CCSER1: variants seen among roughly 807,000 people sequenced by gnomAD.
The protein encoded by CCSER1 is coiled-coil serine rich protein 1.
In CCSER1, 41 loss-of-function variants were observed where a neutral mutation model predicts 82.0. The observed-to-expected ratio is 0.50, with a 90% confidence interval of 0.39 to 0.65. The LOEUF (loss-of-function observed/expected upper bound fraction) is 0.65, where lower values mean the gene tolerates loss of function less well. Ranked by LOEUF, CCSER1 falls within the 30% of genes least tolerant of loss-of-function variation. The pLI is 0.00. For synonymous variants in CCSER1, 414 were observed against 383.9 expected, an observed-to-expected ratio of 1.08 and a Z score of -0.92; for missense variants, 1,119 against 1,064.2, an observed-to-expected ratio of 1.05 and a Z score of -0.72.
At chr4:90,337,632 T>A (rs1312753244) in intron 3 of CCSER1, among the ~76,000 whole-genome samples, 6 of 147,414 alleles carry the variant, frequency 4.1e-5, no homozygotes, top group Non-Finnish European at 7.5e-5. Context: ...TTTTTTTTTT[T>A]ACAAGATCCC....
At chr4:90,307,420 A>T (rs1330595911) in intron 1 of CCSER1, among the ~76,000 whole-genome samples, 1 of 144,004 alleles carries the variant, frequency 6.9e-6, no homozygotes, top group Non-Finnish European at 1.5e-5. Context: ...CTTGTTTATA[A>T]CCCTATGTTA....
At chr4:90,309,820 A>G (rs1157769121) in intron 2 of CCSER1, among the ~76,000 whole-genome samples, 1 of 152,096 alleles carries the variant, frequency 6.6e-6, no homozygotes, top group African/African-American at 2.4e-5. Context: ...ATTCAGCAAT[A>G]TTACTCATTT....
intron 6 of CCSER1, among the ~76,000 whole-genome samples, chr4:90,637,069 A>G (rs1725555612): frequency 6.6e-6 from 1 of 152,188 alleles, no homozygotes. Context: ...AATATTTGTT[A>G]TTTCAAAGTT....
At chr4:90,590,507 G>T (rs565154732) in intron 5 of CCSER1, among the ~76,000 whole-genome samples, 1 of 152,074 alleles carries the variant, frequency 6.6e-6, no homozygotes, top group Admixed American at 6.5e-5. Flanking sequence ...TTGAACTCAG[G>T]AGGCAGAGGT....
chr4:91,195,902 C>T (rs1033735710), intron 10 of CCSER1, among the ~76,000 whole-genome samples: 13 of 151,842 alleles, frequency 8.6e-5, no homozygotes, highest in Admixed American at 7.9e-4. Context: ...TCCACCTTGC[C>T]ATTAAGACAA....
At chr4:90,809,311 TACACACACACAC>T (rs56677479) in intron 7 of CCSER1, among the ~76,000 whole-genome samples, 5 of 148,250 alleles carry the variant, frequency 3.4e-5, no homozygotes, top group Admixed American at 6.8e-5. Context: ...AGCAAGATCA[TACACACACACAC>T]ACACACACAC....
chr4:90,940,444 A>G (rs9307092), intron 9 of CCSER1, among the ~76,000 whole-genome samples: 47,438 of 151,904 alleles, frequency 0.31, 7,829 homozygotes, highest in Non-Finnish European at 0.35. Context: ...AGACTTTCTC[A>G]CAGTGTTCAT....
At chr4:90,203,089 C>G (rs1034411907) in intron 1 of CCSER1, among the ~76,000 whole-genome samples, 8 of 152,132 alleles carry the variant, frequency 5.3e-5, no homozygotes, top group Non-Finnish European at 1.0e-4. Flanking sequence ...TCTCAAGAAA[C>G]AACTATGATT....
chr4:90,722,875 G>A (rs1313758283), intron 6 of CCSER1, among the ~76,000 whole-genome samples: 2 of 151,980 alleles, frequency 1.3e-5, no homozygotes, highest in East Asian at 3.9e-4. Context: ...TGAATAGAAA[G>A]TCTCTAAGAA....
At chr4:90,268,828 T>C (rs1284989738) in intron 1 of CCSER1, among the ~76,000 whole-genome samples, 1 of 151,188 alleles carries the variant, frequency 6.6e-6, no homozygotes, top group African/African-American at 2.4e-5. Flanking sequence ...AAGACACACC[T>C]AGACAGAAAA....
At chr4:91,500,877 T>C (rs998482731) in intron 10 of CCSER1, among the ~76,000 whole-genome samples, 7 of 152,008 alleles carry the variant, frequency 4.6e-5, no homozygotes, top group Non-Finnish European at 1.0e-4. Context: ...AATTAATGTA[T>C]GTTAGGTACT....
intron 10 of CCSER1, among the ~76,000 whole-genome samples, chr4:91,463,685 G>C (rs566315236): frequency 6.6e-6 from 1 of 152,182 alleles, no homozygotes; most frequent in African/African-American, 2.4e-5. Flanking sequence ...GAAAACCATG[G>C]CACGAGAGCT....
chr4:91,397,221 G>A (rs1038371685), intron 10 of CCSER1, among the ~76,000 whole-genome samples: 2 of 152,034 alleles, frequency 1.3e-5, no homozygotes, highest in Admixed American at 6.6e-5. Flanking sequence ...GTACTACTAT[G>A]TATCAATTCT....
At chr4:90,732,585 A>G (rs150815659) in intron 7 of CCSER1, among the ~76,000 whole-genome samples, 1 of 152,128 alleles carries the variant, frequency 6.6e-6, no homozygotes, top group Non-Finnish European at 1.5e-5. Context: ...CTACTTAGGG[A>G]CAGTGAGCCA....
intron 10 of CCSER1, among the ~76,000 whole-genome samples, chr4:91,316,179 T>C (rs780278099): frequency 6.6e-6 from 1 of 152,030 alleles, no homozygotes; most frequent in Non-Finnish European, 1.5e-5. Flanking sequence ...GCATTAAATA[T>C]CTTTTTATTT....
intron 5 of CCSER1, among the ~76,000 whole-genome samples, chr4:90,492,108 G>A (rs957649882): frequency 2.6e-5 from 4 of 152,126 alleles, no homozygotes; most frequent in Non-Finnish European, 2.9e-5. Context: ...GCTCCTCCTT[G>A]TACCTCTGGT....
chr4:90,740,996 C>T (rs2149442401), intron 7 of CCSER1, among the ~76,000 whole-genome samples: 1 of 152,158 alleles, frequency 6.6e-6, no homozygotes, highest in South Asian at 2.1e-4. Flanking sequence ...CCCTGGAAAT[C>T]TGAAGGATAT....
rs1468179852 is a variant in CCSER1, at chr4:91,013,416, A to G, written c.2173-72534A>G. Among the ~76,000 whole-genome samples, 3 of 132,428 alleles carry G rather than the reference A, an allele frequency of 2.3e-5. 1 individual carries two copies. The highest frequency in any genetic ancestry group is 3.5e-5 in the Non-Finnish European group (2 of 57,194). The allele number at this position is 132,428 out of a possible 152,430, so 86.9% of individuals were successfully genotyped here. A position where few individuals can be genotyped will look rare whatever the true frequency, so the allele number is the denominator to read the frequency against. On this transcript the variant is annotated intron_variant, in intron 9 of 10. Transcript: ENST00000509176. ...ATTTCAACCTTCCCTATTCTGATCC[A>G]TTGTTCTATATGTCTGTCTTTATGC... is the stretch of plus-strand genomic sequence containing the variant.
At position 90,468,321 on chromosome 4, in the gene CCSER1, G is replaced by A; in HGVS notation, c.1691G>A (p.Arg564Lys). The change falls in exon 5 of 11, where the codon AGA becomes AAA. Residue 564 changes from arginine to lysine, a missense_variant. Transcript: ENST00000509176. Reference protein sequence around the residue: ...PMEPMIEMKKREEPEFPEPSK... With the variant: ...PMEPMIEMKKKEEPEFPEPSK... Reference sequence around the variant, plus strand: ...GAACCAATGATAGAAATGAAGAAAAGAGAAGAACCAGAATTTCCTGAGCCT... The same window carrying A: ...GAACCAATGATAGAAATGAAGAAAAAAGAAGAACCAGAATTTCCTGAGCCT... The A allele has an allele frequency of 6.2e-7, 1 of 1,607,346 alleles. No homozygotes were observed. The highest frequency in any genetic ancestry group is 8.5e-7 in the Non-Finnish European group (1 of 1,175,846).
Sources: allele counts gnomAD v4.1 joint callset (sites outside exome capture counted in the v4.1 genomes callset), GRCh38; gene constraint gnomAD v4.1.1; transcripts MANE v1.5; gene names NCBI Gene and HGNC (gene_info 2026-07-23, HGNC 2026-07-21).